Variants in MYRIP observed in about 807,000 individuals in gnomAD.
The protein encoded by MYRIP is myosin VIIA and Rab interacting protein.
A neutral mutation model predicts 98.0 loss-of-function variants in MYRIP; 49 were observed. The ratio of observed to expected loss-of-function variants is 0.50; its 90% confidence interval spans 0.40 to 0.63. MYRIP has a LOEUF of 0.63. Among genes scored for constraint, MYRIP ranks in the 30% least tolerant of loss-of-function variants. The pLI is 0.00. For synonymous variants in MYRIP, 404 were observed against 409.5 expected, an observed-to-expected ratio of 0.99 and a Z score of 0.16; for missense variants, 1,004 against 1,058.2, an observed-to-expected ratio of 0.95 and a Z score of 0.71.
chr3:40,052,675 C>A (rs978989651), intron 3 of MYRIP, among the ~76,000 whole-genome samples: 9 of 152,084 alleles, frequency 5.9e-5, no homozygotes, highest in Admixed American at 5.2e-4. Flanking sequence ...TGAAAACCTA[C>A]AACTGATGAT....
intron 3 of MYRIP, among the ~76,000 whole-genome samples, chr3:40,094,256 G>A (rs1484536470): frequency 6.6e-6 from 1 of 152,162 alleles, no homozygotes; most frequent in Non-Finnish European, 1.5e-5. Context: ...CTTAATAGCT[G>A]ATTATTTAAT....
chr3:40,032,614 G>T (rs1228717196), intron 2 of MYRIP, among the ~76,000 whole-genome samples: 1 of 152,066 alleles, frequency 6.6e-6, no homozygotes, highest in Non-Finnish European at 1.5e-5. Context: ...AGGACAAAAT[G>T]GATTCACAGC....
At chr3:40,136,202 A>C (rs974913413) in intron 3 of MYRIP, among the ~76,000 whole-genome samples, 30 of 152,220 alleles carry the variant, frequency 2.0e-4, no homozygotes, top group Non-Finnish European at 3.7e-4. Flanking sequence ...TACCAAGCAA[A>C]TGGAAAACAA....
rs186151110 is a variant in MYRIP at position 40,179,066 on chromosome 3, G to A, written c.874-3154G>A. ...AGTGGGCACAGAGGGCTCAGCCAGCGTTATAAGCCAGTATAATAAACAAAT... is the reference window on the plus strand; with the variant it reads ...AGTGGGCACAGAGGGCTCAGCCAGCATTATAAGCCAGTATAATAAACAAAT... On this transcript the variant is annotated intron_variant, in intron 8 of 16. Coordinates refer to ENST00000302541, the MANE Select transcript of MYRIP (RefSeq NM_015460.4). Among the ~76,000 whole-genome samples, 4 of 152,330 alleles carry A rather than the reference G, an allele frequency of 2.6e-5. No homozygotes were observed. In the East Asian group the frequency reaches 5.8e-4, roughly 22 times the overall value.
At chr3:39,955,495 C>A (rs1186039302) in intron 2 of MYRIP, among the ~76,000 whole-genome samples, 2 of 152,202 alleles carry the variant, frequency 1.3e-5, no homozygotes, top group Non-Finnish European at 2.9e-5. Context: ...TCTGTCACCA[C>A]CAGGCCTGCC....
chr3:39,921,219 T>G, intron 2 of MYRIP, among the ~76,000 whole-genome samples: 1 of 152,214 alleles, frequency 6.6e-6, no homozygotes, highest in East Asian at 1.9e-4. Context: ...AACCTGCTCA[T>G]TTTCTAAATG....
chr3:40,013,333 G>A (rs74712712), intron 2 of MYRIP, among the ~76,000 whole-genome samples: 15,184 of 152,270 alleles, frequency 0.1, 1,292 homozygotes, highest in African/African-American at 0.22. Flanking sequence ...AATGGTCTCT[G>A]CTGGAAGAAG....
intron 2 of MYRIP, among the ~76,000 whole-genome samples, chr3:39,948,691 G>A (rs1363684905): frequency 1.3e-5 from 2 of 152,024 alleles, no homozygotes; most frequent in Non-Finnish European, 2.9e-5. Context: ...AGGCTAGCCA[G>A]AGTTCTAGAA....
At chr3:40,235,952 G>A (rs112975518) in intron 12 of MYRIP, among the ~76,000 whole-genome samples, 2 of 152,338 alleles carry the variant, frequency 1.3e-5, no homozygotes, top group South Asian at 2.1e-4. Context: ...CTGGAGGGAG[G>A]AGAAGACAGT....
At chr3:39,990,353 G>C (rs551284002) in intron 2 of MYRIP, among the ~76,000 whole-genome samples, 9 of 152,222 alleles carry the variant, frequency 5.9e-5, no homozygotes, top group Non-Finnish European at 8.8e-5. Flanking sequence ...TCAGTTGCTG[G>C]TGCAGGATTC....
intron 2 of MYRIP, among the ~76,000 whole-genome samples, chr3:40,042,306 AAAAG>A (rs77040959): frequency 1.3e-5 from 2 of 150,174 alleles, no homozygotes; most frequent in East Asian, 2.0e-4. Context: ...AAAAAAAAAA[AAAAG>A]AGAGCCAACC....
intron 1 of MYRIP, among the ~76,000 whole-genome samples, chr3:39,812,725 T>G (rs747434773): frequency 6.6e-6 from 1 of 152,260 alleles, no homozygotes; most frequent in South Asian, 2.1e-4. Context: ...ACTGTTGGTG[T>G]TGTTGCCACA....
intron 1 of MYRIP, among the ~76,000 whole-genome samples, chr3:39,811,357 G>A (rs941709798): frequency 6.6e-6 from 1 of 152,130 alleles, no homozygotes; most frequent in Admixed American, 6.5e-5. Flanking sequence ...ATGTGAAAAT[G>A]CACTGGGGTT....
intron 3 of MYRIP, among the ~76,000 whole-genome samples, chr3:40,135,295 A>G (rs180992615): frequency 0.21 from 32,262 of 151,980 alleles, 4,073 homozygotes; most frequent in South Asian, 0.36. Context: ...GATGGAAGAC[A>G]AAATGAATGA....
intron 11 of MYRIP, among the ~76,000 whole-genome samples, chr3:40,232,702 T>G (rs73069790): frequency 0.082 from 12,417 of 152,254 alleles, 773 homozygotes; most frequent in African/African-American, 0.18. Flanking sequence ...ATGCTATATG[T>G]TCAGATGAAC....
At chr3:40,099,224 T>A (rs1192089998) in intron 3 of MYRIP, among the ~76,000 whole-genome samples, 1 of 152,190 alleles carries the variant, frequency 6.6e-6, no homozygotes, top group Non-Finnish European at 1.5e-5. Context: ...TACAAAAAAA[T>A]GTGTTTCTTC....
At position 40,129,172 on chromosome 3, in the gene MYRIP, C is replaced by T. The variant is rs9873660; in HGVS notation, c.333-21876C>T. On this transcript the variant is annotated intron_variant, in intron 3 of 16. Coordinates refer to ENST00000302541, the MANE Select transcript of MYRIP (RefSeq NM_015460.4). ...AAAATCATGACTGGGCACAGTGGCT[C>T]ACTCCTGTAATCCCAGCACTTTGGG... Among the ~76,000 whole-genome samples the T allele has an allele frequency of 8.8e-3, 1,339 of 151,796 alleles. 19 individuals carry two copies. The highest frequency in any genetic ancestry group is 0.028 in the African/African-American group (1,156 of 41,372).
In MYRIP at chr3:40,210,001, C is replaced by T; in HGVS notation, c.1813C>T (p.Gln605Ter). 6.2e-7 allele frequency: 1 copy of T among 1,614,048 alleles called. No individual in the cohort carries two copies. Among genetic ancestry groups the T allele is most frequent in the Non-Finnish European group, 8.5e-7 (1 of 1,179,956 alleles). ...AAAGGAGACTTCTTCAGGGGAGGATCAGGAGTCTGAGCCCAAGACAGAATC... is the reference window on the plus strand; with the variant it reads ...AAAGGAGACTTCTTCAGGGGAGGATTAGGAGTCTGAGCCCAAGACAGAATC... ...SEKETSSGED[Q>*]ESEPKTESEN... is the part of the protein sequence containing the mutation. Residue 605 changes from glutamine to a stop codon, truncating the protein, a stop_gained, in exon 11 of 17, where the codon CAG becomes TAG. Transcript: ENST00000302541. LOFTEE classifies it high-confidence loss of function.
chr3:40,057,809 C>T (rs1055828166), intron 3 of MYRIP, among the ~76,000 whole-genome samples: 4 of 152,184 alleles, frequency 2.6e-5, no homozygotes, highest in Admixed American at 1.3e-4. Flanking sequence ...GCATTAAGTT[C>T]ATGTGCTCTG....
Sources: gnomAD v4.1 joint callset for allele counts (sites outside exome capture counted in the v4.1 genomes callset) on GRCh38, gnomAD v4.1.1 for gene constraint, MANE v1.5 for transcripts, NCBI Gene and HGNC (gene_info 2026-07-23, HGNC 2026-07-21) for gene names.